The following ATL2 variants were observed in gnomAD, a reference collection of about 807,000 sequenced individuals.
ATL2 encodes atlastin GTPase 2.
ATL2 carries 31 observed loss-of-function variants against 73.9 expected under a neutral mutation model. The ratio of observed to expected loss-of-function variants is 0.42; its 90% CI spans 0.32 to 0.57. The LOEUF is 0.57. Ranked by LOEUF, ATL2 falls within the 20% of genes least tolerant of loss-of-function variation. The probability of loss-of-function intolerance (pLI) is 0.14; values close to 1 mark genes in which losing one functional copy is unlikely to be tolerated. For missense variants in ATL2, 738 were observed against 702.6 expected (o/e 1.05, Z -0.57); for synonymous variants, 291 against 237.5 (o/e 1.23, Z -2.07).
chr2:38,344,276 A>G, intron 1 of ATL2, among the ~76,000 whole-genome samples: 1 of 152,304 alleles, frequency 6.6e-6, no homozygotes, highest in East Asian at 1.9e-4. Context: ...CACCTAGAAA[A>G]TTCACAAACA....
At chr2:38,357,285 G>A (rs1488440820) in intron 1 of ATL2, among the ~76,000 whole-genome samples, 4 of 151,600 alleles carry the variant, frequency 2.6e-5, no homozygotes, top group Admixed American at 6.6e-5. Context: ...CCAAGATCAC[G>A]CCACTGCACT....
chr2:38,362,378 T>C (rs1558453410), intron 1 of ATL2, among the ~76,000 whole-genome samples: 1 of 152,200 alleles, frequency 6.6e-6, no homozygotes, highest in Non-Finnish European at 1.5e-5. Flanking sequence ...TTATTTATCA[T>C]GGGCCTATGA....
Position 38,333,603 on chromosome 2 carries a change from T to C in ATL2, c.363+9665A>G, listed in dbSNP as rs958366758. On this transcript the variant is annotated intron_variant, in intron 2 of 12. Coordinates refer to ENST00000378954, the MANE Select transcript of ATL2 (RefSeq NM_001135673.4). The stretch of plus-strand genomic sequence containing the variant: ...ACCTACTGGAACAAAGAGTTTGGAA[T>C]GAAAAAAGATCTGTAATTTATGTTC... Among the ~76,000 whole-genome samples the C allele has an allele frequency of 3.3e-5, 5 of 152,252 alleles. No individual in the cohort carries two copies. In the East Asian group the frequency reaches 9.6e-4, roughly 29 times the overall value.
intron 1 of ATL2, among the ~76,000 whole-genome samples, chr2:38,370,960 G>C (rs1027365200): frequency 2.0e-5 from 3 of 150,084 alleles, no homozygotes; most frequent in African/African-American, 7.4e-5. Flanking sequence ...CCTATCTCGG[G>C]GGGGAAAAAA....
chr2:38,295,955 G>T lies in ATL2; in HGVS notation c.*39C>A. The stretch of plus-strand genomic sequence containing the variant: ...TGAGTTCTCATTGTACAGCAAGCAT[G>T]AAAAAAAAAGAGAGTGGAGTCCGTG... On this transcript the variant is annotated 3_prime_UTR_variant, in exon 13 of 13. Transcript: ENST00000378954. 1 of 1,408,054 alleles carries T rather than the reference G, an allele frequency of 7.1e-7. No individual in the cohort carries two copies. The highest frequency in any genetic ancestry group is 1.3e-5 in the South Asian group (1 of 75,588). 87.2% of individuals were successfully genotyped at this position (1,408,054 alleles called of 1,614,324 possible).
intron 1 of ATL2, among the ~76,000 whole-genome samples, chr2:38,374,222 C>A (rs1208860959): frequency 1.3e-5 from 2 of 152,124 alleles, no homozygotes. Flanking sequence ...ATAGAGAAAG[C>A]CCTCGAGTGT....
chr2:38,316,050 A>T (rs892725201), intron 4 of ATL2, among the ~76,000 whole-genome samples: 6 of 152,230 alleles, frequency 3.9e-5, no homozygotes, highest in Non-Finnish European at 8.8e-5. Flanking sequence ...AGTAATCTAC[A>T]CTGCCACAGG....
At chr2:38,299,537 C>T (rs1667077496) in intron 10 of ATL2, among the ~76,000 whole-genome samples, 1 of 152,070 alleles carries the variant, frequency 6.6e-6, no homozygotes, top group Non-Finnish European at 1.5e-5. Context: ...TTTTGTTTTG[C>T]TTAGGTTGAT....
At chr2:38,321,249 AATT>A (rs746110755) in intron 2 of ATL2, among the ~76,000 whole-genome samples, 1 of 152,046 alleles carries the variant, frequency 6.6e-6, no homozygotes, top group African/African-American at 2.4e-5. Context: ...AACCATCTTT[AATT>A]ATTATTATTA....
intron 4 of ATL2, 172 bp downstream of exon 4, chr2:38,318,363 C>T (rs1668139391): frequency 2.4e-6 from 1 of 421,766 alleles, no homozygotes; most frequent in African/African-American, 2.1e-5. Context: ...CCTGTAATCT[C>T]AGCTACTCGG....
intron 4 of ATL2, among the ~76,000 whole-genome samples, chr2:38,317,572 G>A (rs1432340977): frequency 6.6e-6 from 1 of 152,102 alleles, no homozygotes; most frequent in East Asian, 1.9e-4. Context: ...AGCCTTGTCT[G>A]GGTTTCCTAA....
At chr2:38,316,568 C>T (rs914912121) in intron 4 of ATL2, among the ~76,000 whole-genome samples, 4 of 152,208 alleles carry the variant, frequency 2.6e-5, no homozygotes, top group South Asian at 4.1e-4. Context: ...AACTACCCCC[C>T]CCACCCAAAG....
chr2:38,367,530 C>A (rs1400149796), intron 1 of ATL2, among the ~76,000 whole-genome samples: 2 of 122,196 alleles, frequency 1.6e-5, no homozygotes, highest in African/African-American at 6.0e-5. Flanking sequence ...ACCATGAACC[C>A]GGAAGGCGGA....
chr2:38,313,737 T>C (rs1667880081), intron 6 of ATL2, among the ~76,000 whole-genome samples: 1 of 152,178 alleles, frequency 6.6e-6, no homozygotes. Flanking sequence ...TAATTCTTAG[T>C]TGTGTGTGGC....
At chr2:38,345,811 G>A (rs371299479) in intron 1 of ATL2, among the ~76,000 whole-genome samples, 12 of 152,158 alleles carry the variant, frequency 7.9e-5, no homozygotes, top group African/African-American at 2.2e-4. Flanking sequence ...AAACTGCCTC[G>A]ATGCATGTCA....
intron 9 of ATL2, among the ~76,000 whole-genome samples, chr2:38,309,024 G>C (rs1667601070): frequency 6.6e-6 from 1 of 151,818 alleles, no homozygotes; most frequent in African/African-American, 2.4e-5. Context: ...AACTCTGAGG[G>C]AGTGTTTTTG....
intron 7 of ATL2, 118 bp from the exon 8 acceptor site, chr2:38,310,565 G>A: frequency 5.1e-6 from 4 of 785,636 alleles, no homozygotes; most frequent in Non-Finnish European, 5.5e-6. Context: ...TACTCCTAAG[G>A]AGTCTTTTTT....
intron 1 of ATL2, among the ~76,000 whole-genome samples, chr2:38,368,447 T>C (rs1396146958): frequency 6.6e-6 from 1 of 151,984 alleles, no homozygotes; most frequent in South Asian, 2.1e-4. Flanking sequence ...AGGCGGGGTT[T>C]CTCCATGTTG....
At chr2:38,327,378 T>C (rs58498338) in intron 2 of ATL2, among the ~76,000 whole-genome samples, 15,498 of 152,030 alleles carry the variant, frequency 0.1, 2,649 homozygotes, top group African/African-American at 0.35. Context: ...TATCTGAAAG[T>C]GGACTTAGCT....
Sources: gnomAD v4.1 joint callset for allele counts (sites outside exome capture counted in the v4.1 genomes callset) on GRCh38, gnomAD v4.1.1 for gene constraint, MANE v1.5 for transcripts, NCBI Gene and HGNC (gene_info 2026-07-23, HGNC 2026-07-21) for gene names.